The following LOC400499 variants were observed in gnomAD, a reference collection of about 807,000 sequenced individuals.
chr16:11,441,252 T>C, the LOC400499 span, among the ~76,000 whole-genome samples: 1 of 152,300 alleles, frequency 6.6e-6, no homozygotes. Flanking sequence ...TACACAGGAA[T>C]GGTAAACTTC....
the LOC400499 span, among the ~76,000 whole-genome samples, chr16:11,467,843 T>C: frequency 6.6e-6 from 1 of 152,226 alleles, no homozygotes; most frequent in African/African-American, 2.4e-5. Context: ...GACCTGTGAA[T>C]GTGACCTTAT....
At chr16:11,498,343 C>T in the LOC400499 span, among the ~76,000 whole-genome samples, 1 of 151,994 alleles carries the variant, frequency 6.6e-6, no homozygotes, top group African/African-American at 2.4e-5. Flanking sequence ...ATTAGCCGGG[C>T]CTGGTGGTGT....
chr16:11,430,700 C>A, the LOC400499 span, among the ~76,000 whole-genome samples: 2 of 152,108 alleles, frequency 1.3e-5, no homozygotes, highest in African/African-American at 4.8e-5. Flanking sequence ...TCTAGTGTTA[C>A]GTCAAAATAA....
the LOC400499 span, among the ~76,000 whole-genome samples, chr16:11,432,464 TAG>T: frequency 6.6e-6 from 1 of 152,002 alleles, no homozygotes; most frequent in Admixed American, 6.6e-5. Context: ...AGGAAACAGG[TAG>T]AGAGAGAGTA....
the LOC400499 span, among the ~76,000 whole-genome samples, chr16:11,486,410 A>G: frequency 7.2e-5 from 6 of 83,006 alleles, no homozygotes; most frequent in African/African-American, 2.0e-4. Context: ...TTGAGTGAAT[A>G]GATGGATGGA....
At chr16:11,374,956 C>G in the LOC400499 span, among the ~76,000 whole-genome samples, 2 of 152,092 alleles carry the variant, frequency 1.3e-5, no homozygotes. Flanking sequence ...TCAAGTGATC[C>G]TCATGCCTCA....
At chr16:11,526,185 T>C in the LOC400499 span, among the ~76,000 whole-genome samples, 1 of 152,230 alleles carries the variant, frequency 6.6e-6, no homozygotes, top group Non-Finnish European at 1.5e-5. Context: ...CTCTCCAGTA[T>C]GTGGCTATGA....
the LOC400499 span, chr16:11,396,485 C>T: frequency 1.6e-6 from 2 of 1,232,110 alleles, no homozygotes; most frequent in Admixed American, 4.2e-5. Flanking sequence ...TTCCCAGGGA[C>T]TGTCAGCCCC....
At chr16:11,388,071 T>C in the LOC400499 span, among the ~76,000 whole-genome samples, 1 of 152,114 alleles carries the variant, frequency 6.6e-6, no homozygotes, top group Admixed American at 6.5e-5. Context: ...TCATACCCTG[T>C]TGTTGATGGG....
chr16:11,422,980 C>T, the LOC400499 span, among the ~76,000 whole-genome samples: 4 of 151,918 alleles, frequency 2.6e-5, no homozygotes, highest in African/African-American at 4.8e-5. Context: ...AGCTGATGCC[C>T]CTGGGAACTG....
At chr16:11,457,250 A>C in the LOC400499 span, 1 of 542,470 alleles carries the variant, frequency 1.8e-6, no homozygotes, top group East Asian at 3.3e-5. Context: ...GATGGTGGGA[A>C]TGTGAAATAG....
At chr16:11,475,949 A>G in the LOC400499 span, among the ~76,000 whole-genome samples, 1 of 151,808 alleles carries the variant, frequency 6.6e-6, no homozygotes, top group Non-Finnish European at 1.5e-5. Context: ...AGCATGGCAC[A>G]GGGCTGTCTC....
At chr16:11,404,010 C>T in the LOC400499 span, among the ~76,000 whole-genome samples, 6 of 152,234 alleles carry the variant, frequency 3.9e-5, no homozygotes, top group African/African-American at 1.4e-4. Flanking sequence ...AGCCCCGCAG[C>T]TGCTGCTCCA....
At chr16:11,428,135 T>G in the LOC400499 span, among the ~76,000 whole-genome samples, 6 of 152,180 alleles carry the variant, frequency 3.9e-5, no homozygotes. Context: ...TTCTTGATTA[T>G]ATGCTAAACT....
At chr16:11,430,430 C>T in the LOC400499 span, among the ~76,000 whole-genome samples, 1 of 152,048 alleles carries the variant, frequency 6.6e-6, no homozygotes, top group African/African-American at 2.4e-5. Context: ...GCGGAGGTTG[C>T]AGTGAGCTGA....
the LOC400499 span, among the ~76,000 whole-genome samples, chr16:11,381,307 T>C: frequency 5.9e-5 from 9 of 152,312 alleles, no homozygotes; most frequent in African/African-American, 1.9e-4. Context: ...AGTGTGATCA[T>C]GGCTCACTGC....
chr16:11,510,222 C>CT, the LOC400499 span, among the ~76,000 whole-genome samples: 1 of 86,642 alleles, frequency 1.2e-5, no homozygotes, highest in Non-Finnish European at 3.2e-5. Flanking sequence ...TTAGCAAAGG[C>CT]GTGTGCCTTC....
chr16:11,504,559 C>CG, the LOC400499 span, among the ~76,000 whole-genome samples: 40 of 140,670 alleles, frequency 2.8e-4, no homozygotes, highest in African/African-American at 9.3e-4. Flanking sequence ...CCGTCCCCCC[C>CG]CCCAAAAAAA....
the LOC400499 span, among the ~76,000 whole-genome samples, chr16:11,394,194 C>T: frequency 3.4e-3 from 524 of 152,296 alleles, 1 homozygote; most frequent in African/African-American, 0.012. Flanking sequence ...ACGGGCACAC[C>T]TGGCATAACA....
Sources: allele counts gnomAD v4.1 joint callset (sites outside exome capture counted in the v4.1 genomes callset), GRCh38; gene constraint gnomAD v4.1.1; transcripts MANE v1.5.